The following LAMC1 variants were observed in gnomAD, a reference collection of about 807,000 sequenced individuals.
The protein encoded by LAMC1 is laminin subunit gamma 1, also known as laminin subunit gamma-1.
A neutral mutation model predicts 173.6 loss-of-function variants in LAMC1; 38 were observed. The ratio of observed to expected loss-of-function variants is 0.22; its 90% confidence interval spans 0.17 to 0.29. LAMC1 has a LOEUF of 0.29. Among genes scored for constraint, LAMC1 ranks in the 10% least tolerant of loss-of-function variants. LAMC1 has a pLI of 1.00. For missense variants in LAMC1, 1,824 were observed against 2,051.8 expected, an observed-to-expected ratio of 0.89 and a Z score of 2.14; for synonymous variants, 746 against 749.1, an observed-to-expected ratio of 1.00 and a Z score of 0.07.
rs543196047 is a variant in LAMC1 at position 183,096,828 on chromosome 1, A to G, written c.419-6500A>G. 1.1e-3 allele frequency among the ~76,000 whole-genome samples: 174 copies of G among 152,320 alleles called. 1 individual carries two copies. The highest frequency in any genetic ancestry group is 3.3e-3 in the African/African-American group (139 of 41,568). On this transcript the variant is annotated intron_variant, in intron 1 of 27. Coordinates refer to ENST00000258341, the MANE Select transcript of LAMC1 (RefSeq NM_002293.4). ...CAGAAATTTAGGGGAAAGGAACAGG[A>G]TAATAAGTTTTTAAAAACAAACAAT...
rs150090402 is a variant in LAMC1 at position 183,130,467 on chromosome 1, G to T, written c.3404G>T (p.Arg1135Leu). ...EETGNLAEQARAHVENTERLI... is the reference protein window; with the variant it reads ...EETGNLAEQALAHVENTERLI... ...ACTGGAAACTTGGCTGAACAAGCGC[G>T]TGCCCATGTAGAGAACACAGAGCGG... Residue 1135 changes from arginine to leucine, a missense_variant, in exon 19 of 28, where the codon CGT becomes CTT. Physicochemically the swap from Arg to Leu is moderately radical, Grantham distance 102. Transcript: ENST00000258341. 522 of 1,614,146 alleles carry T rather than the reference G, an allele frequency of 3.2e-4. 10 individuals are homozygous for T. The South Asian group carries it at 5.4e-3, about 17-fold the overall frequency.
chr1:183,118,066 C>T lies in LAMC1; in HGVS notation c.1910C>T (p.Pro637Leu). The change falls in exon 11 of 28, where the codon CCT (proline) becomes CTT (leucine). Residue 637 changes from proline to leucine, a missense_variant. Coordinates refer to ENST00000258341, the MANE Select transcript of LAMC1 (RefSeq NM_002293.4). ...GAAGCAACAGATTACCCTTGGAGGC[C>T]TGCTCTTACCCCTTTTGAATTTCAG... ...LHEATDYPWR[P>L]ALTPFEFQKL... is the part of the protein sequence containing the mutation. The T allele has an allele frequency of 6.2e-7, 1 of 1,613,562 alleles. No homozygotes were observed. The highest frequency in any genetic ancestry group is 8.5e-7 in the Non-Finnish European group (1 of 1,179,554).
chr1:183,142,836 T>G lies in LAMC1; in HGVS notation c.*46T>G. Reference sequence around the variant, plus strand: ...AGCATCCCTCTGACAGGGGGGCAGTTGTGAGGCCACAGAGTGCCTTGACAC... The same window carrying G: ...AGCATCCCTCTGACAGGGGGGCAGTGGTGAGGCCACAGAGTGCCTTGACAC... On this transcript the variant is annotated 3_prime_UTR_variant, in exon 28 of 28. Coordinates refer to ENST00000258341, the MANE Select transcript of LAMC1 (RefSeq NM_002293.4). 1.3e-6 allele frequency: 2 copies of G among 1,558,796 alleles called. No individual in the cohort carries two copies. The highest frequency in any genetic ancestry group is 1.4e-5 in the African/African-American group (1 of 73,390).
intron 26 of LAMC1, 136 bp from the exon 27 acceptor site, chr1:183,140,268 A>G (rs1657073897): frequency 4.4e-6 from 2 of 458,716 alleles, no homozygotes; most frequent in Non-Finnish European, 7.7e-6. Context: ...AAAAAAAAGC[A>G]ATGAGAGGTT....
intron 1 of LAMC1, among the ~76,000 whole-genome samples, chr1:183,039,367 C>T (rs1407841237): frequency 1.3e-5 from 2 of 152,092 alleles, no homozygotes; most frequent in Non-Finnish European, 2.9e-5. Flanking sequence ...GATCAGTGGC[C>T]TTCAGTGTCT....
rs1656500279 is a variant in LAMC1 at position 183,122,332 on chromosome 1, G to C, written c.2401+81G>C. 21 of 1,340,126 alleles carry C rather than the reference G, an allele frequency of 1.6e-5. No homozygotes were observed. The South Asian group carries it at 2.8e-4, about 18-fold the overall frequency. 83.0% of individuals were successfully genotyped at this position (1,340,126 alleles called of 1,614,324 possible). A position where few individuals can be genotyped will look rare whatever the true frequency, so the allele number is the denominator to read the frequency against. ...GGAAAGGGGCTTCGGAGTTGTTTTGGATCTTTGTGTTTGGTTCAGTTTCAG... is the reference window on the plus strand; with the variant it reads ...GGAAAGGGGCTTCGGAGTTGTTTTGCATCTTTGTGTTTGGTTCAGTTTCAG... On this transcript the variant is annotated intron_variant, in intron 13 of 27. Transcript: ENST00000258341.
At chr1:183,068,278 A>G (rs1312685376) in intron 1 of LAMC1, among the ~76,000 whole-genome samples, 1 of 151,034 alleles carries the variant, frequency 6.6e-6, no homozygotes, top group Non-Finnish European at 1.5e-5. Context: ...AATACACACA[A>G]TCTCAATGCT....
At chr1:183,097,932 A>G (rs1655736385) in intron 1 of LAMC1, among the ~76,000 whole-genome samples, 1 of 152,194 alleles carries the variant, frequency 6.6e-6, no homozygotes. Context: ...GTGTATATCC[A>G]TGGTTAGTCT....
At chr1:183,126,707 C>G (rs929904677) in intron 16 of LAMC1, among the ~76,000 whole-genome samples, 1 of 152,214 alleles carries the variant, frequency 6.6e-6, no homozygotes, top group Non-Finnish European at 1.5e-5. Flanking sequence ...TCTGCTTCTC[C>G]TTGGCATAAA....
At chr1:183,071,268 C>A (rs1571421507) in intron 1 of LAMC1, among the ~76,000 whole-genome samples, 1 of 152,094 alleles carries the variant, frequency 6.6e-6, no homozygotes, top group East Asian at 1.9e-4. Flanking sequence ...TTTGTCTACA[C>A]GTGGGTGGAG....
chr1:183,125,255 C>T (rs1198659522), intron 14 of LAMC1, 142 bp from the exon 15 acceptor site: 2 of 788,564 alleles, frequency 2.5e-6, no homozygotes, highest in African/African-American at 1.7e-5. Flanking sequence ...TCACCAGCCA[C>T]ATTTAAAGTG....
intron 13 of LAMC1, among the ~76,000 whole-genome samples, chr1:183,123,597 T>C (rs1656540529): frequency 6.6e-6 from 1 of 152,038 alleles, no homozygotes; most frequent in African/African-American, 2.4e-5. Flanking sequence ...AATGTCTCCT[T>C]CTTACAGAGG....
At chr1:183,115,064 T>C (rs1163651418) in intron 5 of LAMC1, among the ~76,000 whole-genome samples, 4 of 152,244 alleles carry the variant, frequency 2.6e-5, no homozygotes, top group Admixed American at 2.6e-4. Context: ...CTAATCTCCT[T>C]AGAGTGCTGA....
At chr1:183,125,582 C>T (rs1273406445) in intron 15 of LAMC1, 32 bp downstream of exon 15, 2 of 1,476,498 alleles carry the variant, frequency 1.4e-6, no homozygotes, top group East Asian at 2.3e-5. Context: ...TGAAAGTAAT[C>T]TTTGCTTTTT....
intron 4 of LAMC1, among the ~76,000 whole-genome samples, chr1:183,110,980 C>A (rs183269360): frequency 3.3e-5 from 5 of 152,282 alleles, no homozygotes; most frequent in Admixed American, 2.6e-4. Flanking sequence ...GTATTTGTTC[C>A]CCTTTAAAAT....
chr1:183,037,712 G>A (rs555459783), intron 1 of LAMC1, among the ~76,000 whole-genome samples: 4 of 152,158 alleles, frequency 2.6e-5, no homozygotes, highest in African/African-American at 7.2e-5. Context: ...GCCGAGCTAA[G>A]GTTCAATCAG....
At chr1:183,071,066 C>A (rs1654997703) in intron 1 of LAMC1, among the ~76,000 whole-genome samples, 1 of 151,290 alleles carries the variant, frequency 6.6e-6, no homozygotes, top group African/African-American at 2.4e-5. Context: ...TTTTATATGT[C>A]AGGAAGCTGG....
chr1:183,096,283 C>A (rs1392698209), intron 1 of LAMC1, among the ~76,000 whole-genome samples: 1 of 152,188 alleles, frequency 6.6e-6, no homozygotes, highest in Non-Finnish European at 1.5e-5. Flanking sequence ...TTATCTTCTC[C>A]AAAATCATAC....
intron 10 of LAMC1, 96 bp from the exon 11 acceptor site, chr1:183,117,938 G>C: frequency 1.3e-6 from 1 of 796,124 alleles, no homozygotes; most frequent in East Asian, 2.4e-5. Context: ...GATTGTTAGA[G>C]CATTGCATTG....
Sources: gnomAD v4.1 joint callset for allele counts (sites outside exome capture counted in the v4.1 genomes callset) on GRCh38, gnomAD v4.1.1 for gene constraint, MANE v1.5 for transcripts, NCBI Gene and HGNC (gene_info 2026-07-23, HGNC 2026-07-21) for gene names.